The following GLP1R variants were observed in gnomAD, a reference collection of about 807,000 sequenced individuals.
GLP1R encodes glucagon like peptide 1 receptor, also known as glucagon-like peptide 1 receptor.
In GLP1R, 32 loss-of-function variants were observed where a neutral mutation model predicts 68.4. The ratio of observed to expected loss-of-function variants is 0.47; its 90% CI spans 0.35 to 0.63. GLP1R has a LOEUF of 0.63. GLP1R is among the 20% of genes least tolerant of loss of function. The probability of loss-of-function intolerance (pLI) is 0.00; values close to 1 mark genes in which losing one functional copy is unlikely to be tolerated. For missense variants in GLP1R, 502 were observed against 594.9 expected (o/e 0.84, Z 1.62); for synonymous variants, 263 against 244.4 (o/e 1.08, Z -0.71).
chr6:39,049,055 G>A lies in GLP1R; in HGVS notation c.78+137G>A. 6.2e-6 allele frequency: 3 copies of A among 483,810 alleles called. No homozygotes were observed. Among genetic ancestry groups the A allele is most frequent in the Non-Finnish European group, 1.1e-5 (3 of 276,732 alleles). The allele number at this position is 483,810 out of a possible 1,614,324, so 30.0% of individuals were successfully genotyped here. A position where few individuals can be genotyped will look rare whatever the true frequency, so the allele number is the denominator to read the frequency against. ...GCGGGGGCATCCGAAAGCCTCGGGG[G>A]GAGTAGGGACTGGAGACTTGGTGCC... On this transcript the variant is annotated intron_variant, in intron 1 of 12. Transcript: ENST00000373256. This position sits in a 1 kb window ranked among gnomAD's most constrained non-coding sequence, Gnocchi z 4.5.
At chr6:39,066,734 C>G (rs1768530267) in intron 5 of GLP1R, among the ~76,000 whole-genome samples, 1 of 152,136 alleles carries the variant, frequency 6.6e-6, no homozygotes, top group Non-Finnish European at 1.5e-5. Context: ...AAAGTTCCTC[C>G]TTAGATCTAA....
chr6:39,058,391 C>A (rs1424711987), intron 3 of GLP1R, among the ~76,000 whole-genome samples: 1 of 152,132 alleles, frequency 6.6e-6, no homozygotes, highest in East Asian at 1.9e-4. Flanking sequence ...CTCACTCCTG[C>A]CTGCAAGGGG....
chr6:39,082,943 T>A (rs559101006), intron 12 of GLP1R, among the ~76,000 whole-genome samples: 7 of 152,188 alleles, frequency 4.6e-5, no homozygotes, highest in Non-Finnish European at 1.0e-4. Context: ...CCCCCGCCAT[T>A]GTGAACAGTC....
Position 39,078,400 on chromosome 6 carries a change from A to AGGG in GLP1R, c.884+21_884+23dup. 1 of 1,587,784 alleles carries AGGG rather than the reference A, an allele frequency of 6.3e-7. No homozygotes were observed. The highest frequency in any genetic ancestry group is 8.6e-7 in the Non-Finnish European group (1 of 1,156,140). On this transcript the variant is annotated intron_variant, in intron 8 of 12. Transcript: ENST00000373256. The stretch of plus-strand genomic sequence containing the variant: ...GACGAGGGGTGAGTGTCCTGCTCCA[A>AGGG]GGGGGCGGGTGTGCCCAGGTCCCCA...
intron 7 of GLP1R, among the ~76,000 whole-genome samples, chr6:39,077,083 C>G (rs768345882): frequency 2.0e-5 from 3 of 152,194 alleles, no homozygotes; most frequent in African/African-American, 7.2e-5. Context: ...CTTAAAACAA[C>G]GAACCATTGT....
chr6:39,061,298 C>T (rs1342116463), intron 3 of GLP1R, among the ~76,000 whole-genome samples: 1 of 152,154 alleles, frequency 6.6e-6, no homozygotes, highest in Non-Finnish European at 1.5e-5. Flanking sequence ...CTTCAGAGAG[C>T]CTGTTGGCCG....
chr6:39,058,236 A>T (rs1471852745), intron 3 of GLP1R, among the ~76,000 whole-genome samples: 1 of 152,184 alleles, frequency 6.6e-6, no homozygotes, highest in East Asian at 1.9e-4. Context: ...TGCTGTGTGT[A>T]TACATGTATG....
Position 39,086,159 on chromosome 6 carries a change from A to G in GLP1R, c.*86A>G, listed in dbSNP as rs1769139913. ...GAGAGACACTCCCAGGGACAAGGGA[A>G]GGAAGGGACACACACACACACACAC... On this transcript the variant is annotated 3_prime_UTR_variant, in exon 13 of 13. Transcript: ENST00000373256. This position sits in a 1 kb window ranked among gnomAD's most constrained non-coding sequence, Gnocchi z 4.5. 1 of 813,642 alleles carries G rather than the reference A, an allele frequency of 1.2e-6. No homozygotes were observed. The highest frequency in any genetic ancestry group is 1.5e-5 in the South Asian group (1 of 64,636). 50.4% of individuals were successfully genotyped at this position (813,642 alleles called of 1,614,324 possible). A position where few individuals can be genotyped will look rare whatever the true frequency, so the allele number is the denominator to read the frequency against.
chr6:39,068,409 A>T (rs12214482), intron 5 of GLP1R, among the ~76,000 whole-genome samples: 2 of 152,100 alleles, frequency 1.3e-5, no homozygotes, highest in East Asian at 1.9e-4. Context: ...CTTGCCCCCC[A>T]TGACTCTGCT....
Position 39,057,461 on chromosome 6 carries a change from T to C in GLP1R, c.176-11T>C. 6.3e-7 allele frequency: 1 copy of C among 1,580,074 alleles called. No homozygotes were observed. The highest frequency in any genetic ancestry group is 8.7e-7 in the Non-Finnish European group (1 of 1,149,376). On this transcript the variant is annotated splice_polypyrimidine_tract_variant and intron_variant, in intron 2 of 12. Coordinates refer to ENST00000373256, the MANE Select transcript of GLP1R (RefSeq NM_002062.5). Reference sequence around the variant, plus strand: ...AAGCAGGGACTCAGAGACTGTTCTTTCTGCTCCCAGACTTGTTCTGCAACC... The same window carrying C: ...AAGCAGGGACTCAGAGACTGTTCTTCCTGCTCCCAGACTTGTTCTGCAACC...
chr6:39,070,158 A>G (rs1368968448), intron 5 of GLP1R, among the ~76,000 whole-genome samples: 2 of 152,212 alleles, frequency 1.3e-5, no homozygotes, highest in African/African-American at 4.8e-5. Flanking sequence ...TGGAGGCTTC[A>G]CCTCTTAATA....
chr6:39,079,410 T>C lies in GLP1R; in HGVS notation c.1044-154T>C, dbSNP rs1583647931. On this transcript the variant is annotated intron_variant, in intron 10 of 12. Coordinates refer to ENST00000373256, the MANE Select transcript of GLP1R (RefSeq NM_002062.5). The surrounding 1 kb of genome is among the most constrained non-coding windows in gnomAD (Gnocchi z 4.5). ...TGTTGGGGTCTTGACCTCTATTCTTTCCCTCCAGGCAGCCTGTCCCAGGGT... is the reference window on the plus strand; with the variant it reads ...TGTTGGGGTCTTGACCTCTATTCTTCCCCTCCAGGCAGCCTGTCCCAGGGT... Among the ~76,000 whole-genome samples, 2 of 152,224 alleles carry C rather than the reference T, an allele frequency of 1.3e-5. No homozygotes were observed. Among genetic ancestry groups the C allele is most frequent in the South Asian group, 4.2e-4 (2 of 4,816 alleles).
Position 39,080,754 on chromosome 6 carries a change from G to A in GLP1R, c.1224+15G>A. 2 of 1,548,956 alleles carry A rather than the reference G, an allele frequency of 1.3e-6. No homozygotes were observed. The highest frequency in any genetic ancestry group is 1.8e-6 in the Non-Finnish European group (2 of 1,133,978). On this transcript the variant is annotated intron_variant, in intron 12 of 12. Coordinates refer to ENST00000373256, the MANE Select transcript of GLP1R (RefSeq NM_002062.5). ...TCAACAATGAGGTAAGCTCTGAGGA[G>A]GGACGGTGGGGACCCTGGTGGGTGG...
intron 5 of GLP1R, among the ~76,000 whole-genome samples, chr6:39,069,131 A>T (rs79492877): frequency 6.6e-6 from 1 of 152,128 alleles, no homozygotes; most frequent in South Asian, 2.1e-4. Flanking sequence ...ATTCTATTTC[A>T]TTGCTCATAA....
chr6:39,050,667 G>A (rs886232598), intron 1 of GLP1R, among the ~76,000 whole-genome samples: 1 of 152,102 alleles, frequency 6.6e-6, no homozygotes, highest in African/African-American at 2.4e-5. Context: ...GAGGTGTTAA[G>A]GATAGATTGC....
chr6:39,053,563 T>C (rs1274217754), intron 1 of GLP1R, among the ~76,000 whole-genome samples: 4 of 152,176 alleles, frequency 2.6e-5, no homozygotes, highest in Non-Finnish European at 5.9e-5. Flanking sequence ...ATCATGGGGA[T>C]TGCTGCCATT....
At position 39,057,591 on chromosome 6, in the gene GLP1R, C is replaced by G. The variant is rs780348135; in HGVS notation, c.283+12C>G. ...CTGGGCCAGCAGTGGTGAGCCCCCT[C>G]CCCGACCTGGTACCTGCCCTGGGCC... On this transcript the variant is annotated intron_variant, in intron 3 of 12. Transcript: ENST00000373256. 2 of 1,501,626 alleles carry G rather than the reference C, an allele frequency of 1.3e-6. No homozygotes were observed. Among genetic ancestry groups the G allele is most frequent in the Non-Finnish European group, 1.8e-6 (2 of 1,095,136 alleles). The allele number at this position is 1,501,626 out of a possible 1,614,324, so 93.0% of individuals were successfully genotyped here.
Position 39,086,158 on chromosome 6 carries a change from A to T in GLP1R, c.*85A>T. 3 of 849,904 alleles carry T rather than the reference A, an allele frequency of 3.5e-6. No individual in the cohort carries two copies. The highest frequency in any genetic ancestry group is 5.5e-6 in the Non-Finnish European group (3 of 544,384). 52.6% of individuals were successfully genotyped at this position (849,904 alleles called of 1,614,324 possible). A position where few individuals can be genotyped will look rare whatever the true frequency, so the allele number is the denominator to read the frequency against. On this transcript the variant is annotated 3_prime_UTR_variant, in exon 13 of 13. Transcript: ENST00000373256. The surrounding 1 kb of genome is among the most constrained non-coding windows in gnomAD (Gnocchi z 4.5). ...GGAGAGACACTCCCAGGGACAAGGG[A>T]AGGAAGGGACACACACACACACACA... is the stretch of plus-strand genomic sequence containing the variant.
At position 39,073,726 on chromosome 6, in the gene GLP1R, A is replaced by T. The variant is rs1042044; in HGVS notation, c.780A>T (p.Leu260Phe). 9.9e-6 allele frequency: 16 copies of T among 1,613,700 alleles called. No homozygotes were observed. The highest frequency in any genetic ancestry group is 4.0e-5 in the African/African-American group (3 of 74,912). ...ACACACTGCTGGCCTTCTCGGTCTTATCTGAGCAATGGATCTTCAGGCTCT... is the reference window on the plus strand; with the variant it reads ...ACACACTGCTGGCCTTCTCGGTCTTTTCTGAGCAATGGATCTTCAGGCTCT... Reference protein sequence around the residue: ...YLYTLLAFSVLSEQWIFRLYV... With the variant: ...YLYTLLAFSVFSEQWIFRLYV... Residue 260 changes from leucine (L) to phenylalanine (F), a missense_variant, in exon 7 of 13, where the codon TTA becomes TTT. Leu to Phe is a conservative substitution (Grantham distance 22, BLOSUM62 0). Coordinates refer to ENST00000373256, the MANE Select transcript of GLP1R (RefSeq NM_002062.5).
Sources: gnomAD v4.1 joint callset for allele counts (sites outside exome capture counted in the v4.1 genomes callset) on GRCh38, gnomAD v4.1.1 for gene constraint, Gnocchi (gnomAD v3.1) non-coding constraint, MANE v1.5 for transcripts, NCBI Gene and HGNC (gene_info 2026-07-23, HGNC 2026-07-21) for gene names.